KANSL1: variants seen among roughly 807,000 people sequenced by gnomAD.
KANSL1 encodes MLL1/MLL complex subunit KANSL1.
Under a neutral mutation model 103.6 loss-of-function variants are expected in KANSL1, and 22 were observed. The ratio of observed to expected loss-of-function variants is 0.21; its 90% CI spans 0.15 to 0.30. The LOEUF is 0.30. Among genes scored for constraint, KANSL1 ranks in the 10% least tolerant of loss-of-function variants. The pLI is 1.00. For missense variants in KANSL1, 1,337 were observed against 1,399.8 expected, an observed-to-expected ratio of 0.96 and a Z score of 0.72; for synonymous variants, 600 against 527.6, an observed-to-expected ratio of 1.14 and a Z score of -1.88.
chr17:46,141,446 T>C (rs1200744175), intron 2 of KANSL1, among the ~76,000 whole-genome samples: 1 of 152,218 alleles, frequency 6.6e-6, no homozygotes, highest in Non-Finnish European at 1.5e-5. Context: ...TGGGGGAGCA[T>C]AGGGGCTGCT....
chr17:46,138,055 G>C (rs2044241910), intron 2 of KANSL1, among the ~76,000 whole-genome samples: 1 of 152,146 alleles, frequency 6.6e-6, no homozygotes, highest in African/African-American at 2.4e-5. Flanking sequence ...ACACCATCAA[G>C]TTAGCCAAGA....
At chr17:46,189,031 C>CA (rs57566816) in intron 1 of KANSL1, among the ~76,000 whole-genome samples, 5,441 of 62,022 alleles carry the variant, frequency 0.088, 1,584 homozygotes, top group South Asian at 0.14. Context: ...AAGATTGTCT[C>CA]AAAAAAAAAA....
intron 2 of KANSL1, among the ~76,000 whole-genome samples, chr17:46,112,323 AAGT>A: frequency 6.8e-6 from 1 of 147,258 alleles, no homozygotes; most frequent in Middle Eastern, 3.7e-3. Context: ...AGCCAAGATC[AAGT>A]CATTGCACTC....
intron 2 of KANSL1, among the ~76,000 whole-genome samples, chr17:46,118,515 T>C (rs1295822832): frequency 6.6e-6 from 1 of 152,192 alleles, no homozygotes; most frequent in Non-Finnish European, 1.5e-5. Context: ...TAAACGCTGA[T>C]TGGTGGGCCC....
intron 2 of KANSL1, among the ~76,000 whole-genome samples, chr17:46,116,567 C>T (rs2043057701): frequency 6.6e-6 from 1 of 151,978 alleles, no homozygotes; most frequent in Non-Finnish European, 1.5e-5. Flanking sequence ...CATTATTAAA[C>T]TATAATAATG....
At chr17:46,075,166 A>C (rs2078714787) in intron 4 of KANSL1, among the ~76,000 whole-genome samples, 1 of 152,268 alleles carries the variant, frequency 6.6e-6, no homozygotes, top group South Asian at 2.1e-4. Flanking sequence ...GACATTAATA[A>C]GAAAACTAAT....
At chr17:46,137,954 GTGTGTTAAAATT>G (rs1253663375) in intron 2 of KANSL1, among the ~76,000 whole-genome samples, 8 of 152,150 alleles carry the variant, frequency 5.3e-5, no homozygotes, top group African/African-American at 1.9e-4. Flanking sequence ...GCACTATGTA[GTGTGTTAAAATT>G]TGTTCTCAAG....
chr17:46,048,228 A>G (rs1177252034), intron 7 of KANSL1, among the ~76,000 whole-genome samples: 1 of 152,084 alleles, frequency 6.6e-6, no homozygotes, highest in Non-Finnish European at 1.5e-5. Flanking sequence ...AAATAACAGA[A>G]AGCAAATACA....
intron 2 of KANSL1, among the ~76,000 whole-genome samples, chr17:46,100,529 G>A (rs894294665): frequency 2.0e-5 from 3 of 151,904 alleles, no homozygotes; most frequent in East Asian, 3.9e-4. Flanking sequence ...CAAATTCAGG[G>A]TTCAGCTTAC....
chr17:46,094,465 A>G, intron 3 of KANSL1, 95 bp downstream of exon 3: 3 of 1,377,676 alleles, frequency 2.2e-6, no homozygotes, highest in Non-Finnish European at 3.0e-6. Context: ...AGTTAAGAAG[A>G]GGGTTATGGG....
At chr17:46,115,885 C>T (rs761764410) in intron 2 of KANSL1, among the ~76,000 whole-genome samples, 1 of 152,208 alleles carries the variant, frequency 6.6e-6, no homozygotes, top group African/African-American at 2.4e-5. Flanking sequence ...TGCCACATAA[C>T]TGCTGGACAG....
At chr17:46,147,798 T>C (rs1220694128) in intron 2 of KANSL1, among the ~76,000 whole-genome samples, 1 of 152,236 alleles carries the variant, frequency 6.6e-6, no homozygotes, top group Non-Finnish European at 1.5e-5. Flanking sequence ...TAGAAGACTA[T>C]ATGACGGTAT....
At chr17:46,152,477 T>C (rs2045163471) in intron 2 of KANSL1, among the ~76,000 whole-genome samples, 1 of 151,812 alleles carries the variant, frequency 6.6e-6, no homozygotes, top group Non-Finnish European at 1.5e-5. Flanking sequence ...AAAATGCCTT[T>C]GAAGCAACAC....
At chr17:46,050,220 C>A (rs1002472694) in intron 7 of KANSL1, 2 of 309,276 alleles carry the variant, frequency 6.5e-6, no homozygotes, top group Admixed American at 9.1e-5. Context: ...CTGGCCCAGA[C>A]AAAACATTTT....
intron 5 of KANSL1, 75 bp from the exon 6 acceptor site, chr17:46,066,807 GAAAC>G: frequency 9.1e-7 from 1 of 1,099,850 alleles, no homozygotes; most frequent in East Asian, 2.5e-5. Context: ...AAAACACAAA[GAAAC>G]AAAGCCTCTT....
intron 2 of KANSL1, among the ~76,000 whole-genome samples, chr17:46,163,625 GATT>G (rs1252283351): frequency 1.3e-5 from 2 of 152,174 alleles, no homozygotes; most frequent in Admixed American, 1.3e-4. Flanking sequence ...GAGCTCTTAA[GATT>G]ATTTTGCAAA....
At chr17:46,219,525 G>T (rs1401445782) in intron 1 of KANSL1, among the ~76,000 whole-genome samples, 14 of 152,122 alleles carry the variant, frequency 9.2e-5, no homozygotes, top group Admixed American at 2.0e-4. Context: ...ACCATGCCTG[G>T]CTAATTTTCT....
chr17:46,170,503 A>C (rs2046228401), intron 2 of KANSL1: 1 of 281,248 alleles, frequency 3.6e-6, no homozygotes. Flanking sequence ...AAATCTCAAC[A>C]ATCAGGCCAT....
At chr17:46,099,930 A>AG (rs2042237699) in intron 2 of KANSL1, among the ~76,000 whole-genome samples, 1 of 147,856 alleles carries the variant, frequency 6.8e-6, no homozygotes, top group Non-Finnish European at 1.5e-5. Context: ...ACCTAAATGC[A>AG]GTATCAATAT....
Sources: allele counts gnomAD v4.1 joint callset (sites outside exome capture counted in the v4.1 genomes callset), GRCh38; gene constraint gnomAD v4.1.1; transcripts MANE v1.5; gene names NCBI Gene and HGNC (gene_info 2026-07-23, HGNC 2026-07-21).